IL1RAPL1: variants seen among roughly 807,000 people sequenced by gnomAD.
IL1RAPL1 encodes interleukin 1 receptor accessory protein like 1.
Under a neutral mutation model 48.4 loss-of-function variants are expected in IL1RAPL1, and 3 were observed. That is an observed-to-expected ratio of 0.06 (90% CI 0.03 to 0.16). The LOEUF is 0.16. Ranked by LOEUF, IL1RAPL1 falls within the 10% of genes least tolerant of loss-of-function variation. The probability of loss-of-function intolerance (pLI) is 1.00; values close to 1 mark genes in which losing one functional copy is unlikely to be tolerated. For missense variants in IL1RAPL1, 349 were observed against 530.6 expected (o/e 0.66, Z 3.36); for synonymous variants, 185 against 187.7 (o/e 0.99, Z 0.12).
At chrX:29,805,550 A>G (rs1249425619) in intron 6 of IL1RAPL1, among the ~76,000 whole-genome samples, 3 of 111,480 alleles carry the variant, frequency 2.7e-5, no homozygotes, top group African/African-American at 9.8e-5. Flanking sequence ...AACGATCTAT[A>G]TTTAAATTTT....
chrX:28,947,765 A>G (rs1238435880), intron 2 of IL1RAPL1, among the ~76,000 whole-genome samples: 1 of 112,068 alleles, frequency 8.9e-6, no homozygotes, highest in Admixed American at 9.5e-5. Context: ...AAGTAGTTAT[A>G]TGTACTACTT....
intron 1 of IL1RAPL1, among the ~76,000 whole-genome samples, chrX:28,758,940 A>T (rs1337053243): frequency 8.9e-6 from 1 of 112,387 alleles, no homozygotes; most frequent in Non-Finnish European, 1.9e-5. Context: ...TCCATAAAAT[A>T]GTATACATTG....
chrX:29,335,217 C>A (rs868434849), intron 3 of IL1RAPL1, among the ~76,000 whole-genome samples: 2 of 99,520 alleles, frequency 2.0e-5, no homozygotes, highest in African/African-American at 3.7e-5. Context: ...GCAGCAGTAC[C>A]GTCCAGCTTT....
intron 5 of IL1RAPL1, among the ~76,000 whole-genome samples, chrX:29,598,530 T>A (rs747646770): frequency 2.3e-4 from 26 of 112,000 alleles, no homozygotes; most frequent in Non-Finnish European, 4.3e-4. Context: ...TCTGTAAATA[T>A]CTTTTAAGTC....
chrX:29,721,939 C>G (rs1471161742), intron 6 of IL1RAPL1, among the ~76,000 whole-genome samples: 4 of 112,077 alleles, frequency 3.6e-5, no homozygotes, highest in African/African-American at 9.7e-5. Flanking sequence ...TTAAATCTGA[C>G]TTTCAGTTGT....
At chrX:29,152,825 G>A (rs73212112) in intron 2 of IL1RAPL1, among the ~76,000 whole-genome samples, 32,244 of 111,246 alleles carry the variant, frequency 0.29, 4,425 homozygotes, top group African/African-American at 0.54. Flanking sequence ...TACGATATTT[G>A]GTACTTCCAA....
chrX:29,908,136 C>T (rs1932680386), intron 6 of IL1RAPL1, among the ~76,000 whole-genome samples: 1 of 111,089 alleles, frequency 9.0e-6, no homozygotes, highest in Non-Finnish European at 1.9e-5. Context: ...ACTTACCCCA[C>T]TATGGAAAAC....
At chrX:28,887,846 TA>T (rs755978609) in intron 2 of IL1RAPL1, among the ~76,000 whole-genome samples, 3 of 110,655 alleles carry the variant, frequency 2.7e-5, no homozygotes, top group Admixed American at 9.7e-5. Flanking sequence ...AGAATGTGGT[TA>T]AAAAAAACCC....
chrX:29,512,527 T>G (rs201923648), intron 5 of IL1RAPL1, among the ~76,000 whole-genome samples: 1 of 43,250 alleles, frequency 2.3e-5, no homozygotes, highest in Admixed American at 1.9e-4. Flanking sequence ...TCGTTAATAT[T>G]TTTTTAGGTG....
intron 2 of IL1RAPL1, among the ~76,000 whole-genome samples, chrX:28,799,957 G>T (rs767105349): frequency 1.8e-5 from 2 of 111,689 alleles, no homozygotes; most frequent in South Asian, 7.6e-4. Flanking sequence ...GTCTGGAATT[G>T]TACTAGTTTC....
chrX:29,306,082 A>T (rs983603242), intron 3 of IL1RAPL1, among the ~76,000 whole-genome samples: 1 of 111,497 alleles, frequency 9.0e-6, no homozygotes, highest in Non-Finnish European at 1.9e-5. Context: ...TAGAATCCAT[A>T]TACTTTTGAT....
At chrX:28,910,976 T>C (rs186607108) in intron 2 of IL1RAPL1, among the ~76,000 whole-genome samples, 1 of 111,523 alleles carries the variant, frequency 9.0e-6, no homozygotes, top group African/African-American at 3.2e-5. Context: ...GACACAGTCA[T>C]ACACCAATAA....
At chrX:29,892,650 T>A in intron 6 of IL1RAPL1, among the ~76,000 whole-genome samples, 1 of 112,307 alleles carries the variant, frequency 8.9e-6, no homozygotes, top group Non-Finnish European at 1.9e-5. Context: ...GGATCAAGTC[T>A]AAATTCCAAA....
At chrX:29,355,877 A>C (rs1260707159) in intron 3 of IL1RAPL1, among the ~76,000 whole-genome samples, 1 of 87,108 alleles carries the variant, frequency 1.1e-5, no homozygotes, top group Admixed American at 1.3e-4. Context: ...TTAAGTAAAC[A>C]GTAAAAAAAA....
chrX:28,991,699 A>G, intron 2 of IL1RAPL1, among the ~76,000 whole-genome samples: 1 of 112,347 alleles, frequency 8.9e-6, no homozygotes, highest in East Asian at 2.8e-4. Flanking sequence ...ACTTAGGAAC[A>G]AATTATTGTT....
chrX:28,955,726 T>G (rs1924590349), intron 2 of IL1RAPL1, among the ~76,000 whole-genome samples: 1 of 106,519 alleles, frequency 9.4e-6, no homozygotes, highest in African/African-American at 3.5e-5. Flanking sequence ...TGCCTCCAGC[T>G]TTGTTCTTTT....
chrX:29,336,997 C>T (rs1249776147), intron 3 of IL1RAPL1, among the ~76,000 whole-genome samples: 1 of 110,601 alleles, frequency 9.0e-6, no homozygotes, highest in Non-Finnish European at 1.9e-5. Flanking sequence ...AAAGGGGAGC[C>T]GGAGACTGGA....
chrX:29,548,264 T>G (rs1283467282), intron 5 of IL1RAPL1, among the ~76,000 whole-genome samples: 2 of 112,559 alleles, frequency 1.8e-5, no homozygotes, highest in Admixed American at 9.4e-5. Flanking sequence ...CAAGGAACAC[T>G]TAATGTGTGT....
intron 5 of IL1RAPL1, among the ~76,000 whole-genome samples, chrX:29,621,706 G>A (rs1361316094): frequency 1.8e-5 from 2 of 111,272 alleles, no homozygotes; most frequent in Non-Finnish European, 3.8e-5. Flanking sequence ...CATATAATTT[G>A]TAAAGATAAA....
Sources: gnomAD v4.1 joint callset for allele counts (sites outside exome capture counted in the v4.1 genomes callset) on GRCh38, gnomAD v4.1.1 for gene constraint, MANE v1.5 for transcripts, NCBI Gene and HGNC (gene_info 2026-07-23, HGNC 2026-07-21) for gene names.